PECR: variants seen among roughly 807,000 people sequenced by gnomAD.
The protein encoded by PECR is 2,4-dienoyl-CoA reductase-related protein.
Under a neutral mutation model 35.3 loss-of-function variants are expected in PECR, and 30 were observed. The ratio of observed to expected loss-of-function variants is 0.85; its 90% confidence interval spans 0.64 to 1.15. PECR has a LOEUF of 1.15. Ranked by LOEUF, PECR falls within the 50% of genes most tolerant of loss-of-function variation. PECR has a pLI of 0.00. For synonymous variants in PECR, 148 were observed against 138.9 expected, an observed-to-expected ratio of 1.07 and a Z score of -0.46; for missense variants, 392 against 370.8, an observed-to-expected ratio of 1.06 and a Z score of -0.47.
chr2:216,066,444 G>A lies in PECR; in HGVS notation c.199C>T (p.Pro67Ser). 6.2e-7 allele frequency: 1 copy of A among 1,613,468 alleles called. No homozygotes were observed. The highest frequency in any genetic ancestry group is 1.1e-5 in the South Asian group (1 of 91,068). The change falls in exon 2 of 8, where the codon CCT becomes TCT. Residue 67 changes from proline (P) to serine (S), a missense_variant. Pro to Ser is a moderately conservative substitution (Grantham distance 74, BLOSUM62 -1). Coordinates refer to ENST00000265322, the MANE Select transcript of PECR (RefSeq NM_018441.6). ...ATGACTCGTGCCTGCTTTGTGGGAGGTAGGTTGGCCTGCAGTTCATCTGCC... is the reference window on the plus strand; with the variant it reads ...ATGACTCGTGCCTGCTTTGTGGGAGATAGGTTGGCCTGCAGTTCATCTGCC... The part of the protein sequence containing the change: ...SAADELQANL[P>S]PTKQARVIPI...
chr2:216,081,540 G>A (rs968630932), intron 1 of PECR, 78 bp downstream of exon 1: 4 of 1,583,010 alleles, frequency 2.5e-6, no homozygotes, highest in East Asian at 2.2e-5. Context: ...CAGCCCCGCC[G>A]AGAGCTCCTG....
At chr2:216,079,042 C>G (rs935506017) in intron 1 of PECR, among the ~76,000 whole-genome samples, 9 of 152,048 alleles carry the variant, frequency 5.9e-5, no homozygotes, top group Admixed American at 5.9e-4. Context: ...ATAACTGATT[C>G]TGATTTTCTT....
At chr2:216,052,331 G>A (rs1695131427) in intron 4 of PECR, among the ~76,000 whole-genome samples, 2 of 152,080 alleles carry the variant, frequency 1.3e-5, no homozygotes, top group South Asian at 4.1e-4. Context: ...TTCAATCAAA[G>A]GTATTTGAAA....
At chr2:216,047,525 T>C (rs1695019639) in intron 6 of PECR, among the ~76,000 whole-genome samples, 1 of 152,298 alleles carries the variant, frequency 6.6e-6, no homozygotes, top group African/African-American at 2.4e-5. Context: ...TCCTTACAGA[T>C]TGAAATGCTA....
intron 4 of PECR, among the ~76,000 whole-genome samples, chr2:216,058,164 C>G (rs548393273): frequency 6.6e-6 from 1 of 152,312 alleles, no homozygotes; most frequent in Non-Finnish European, 1.5e-5. Context: ...CCCAGAGTTT[C>G]TCTTGCAGCA....
chr2:216,051,451 G>A lies in PECR; in HGVS notation c.601C>T (p.Pro201Ser). 1 of 1,583,196 alleles carries A rather than the reference G, an allele frequency of 6.3e-7. No individual in the cohort carries two copies. ...CSGIRINCVA[P>S]GVIYSQTAVE... ...TTCAATATAGATCGTTTACCTACAGGGGCAACACAATTGATCCGTATTCCA... is the reference window on the plus strand; with the variant it reads ...TTCAATATAGATCGTTTACCTACAGAGGCAACACAATTGATCCGTATTCCA... The change falls in exon 5 of 8, where the codon CCT becomes TCT. Residue 201 changes from proline (P) to serine (S), a missense_variant and splice_region_variant. Transcript: ENST00000265322.
intron 3 of PECR, among the ~76,000 whole-genome samples, chr2:216,062,168 C>T (rs1488510585): frequency 6.6e-6 from 1 of 151,884 alleles, no homozygotes; most frequent in Non-Finnish European, 1.5e-5. Flanking sequence ...GCCTCAGCCT[C>T]CCAAGTAGCT....
chr2:216,046,287 TACATAC>T (rs1386384000), intron 6 of PECR, among the ~76,000 whole-genome samples: 168 of 105,412 alleles, frequency 1.6e-3, no homozygotes, highest in African/African-American at 6.2e-3. Flanking sequence ...TATATATATA[TACATAC>T]ATATATATAT....
chr2:216,036,985 C>T (rs149190438), downstream of PECR, among the ~76,000 whole-genome samples: 128 of 152,274 alleles, frequency 8.4e-4, no homozygotes, highest in Non-Finnish European at 1.5e-3. Flanking sequence ...TCCTTTATAG[C>T]ACTCGTGTTC....
chr2:216,058,731 T>TA (rs917912088), intron 4 of PECR, among the ~76,000 whole-genome samples, 164 bp downstream of exon 4: 9 of 152,192 alleles, frequency 5.9e-5, no homozygotes, highest in African/African-American at 1.7e-4. Context: ...GTTTTAGAAG[T>TA]ACTTTGAATT....
intron 3 of PECR, among the ~76,000 whole-genome samples, chr2:216,064,656 C>T (rs1262673596): frequency 4.6e-5 from 7 of 152,154 alleles, no homozygotes; most frequent in Non-Finnish European, 5.9e-5. Flanking sequence ...ACTTGTATCA[C>T]GACTTAGACA....
chr2:216,036,208 A>AT, downstream of PECR, among the ~76,000 whole-genome samples: 1 of 152,364 alleles, frequency 6.6e-6, no homozygotes, highest in African/African-American at 2.4e-5. Flanking sequence ...AGCCAGCCTC[A>AT]TAGAGGGCTT....
intron 6 of PECR, among the ~76,000 whole-genome samples, chr2:216,045,282 C>A (rs1694969245): frequency 6.6e-6 from 1 of 152,200 alleles, no homozygotes; most frequent in Non-Finnish European, 1.5e-5. Context: ...GCTGCACTAT[C>A]TAAAACGAGG....
chr2:216,047,198 T>C (rs1443850957), intron 6 of PECR, among the ~76,000 whole-genome samples: 2 of 149,360 alleles, frequency 1.3e-5, no homozygotes, highest in Admixed American at 1.4e-4. Flanking sequence ...GTAGAGGTTG[T>C]GGTGAGCCGA....
chr2:216,039,208 A>T lies in PECR; in HGVS notation c.*67T>A. Reference sequence around the variant, plus strand: ...TTCCATACCAACTATAAGCTTTTAAAAAGTACAGAAGCATATCCTCAAGAT... The same window carrying T: ...TTCCATACCAACTATAAGCTTTTAATAAGTACAGAAGCATATCCTCAAGAT... On this transcript the variant is annotated 3_prime_UTR_variant, in exon 8 of 8. Transcript: ENST00000265322. 8.0e-6 allele frequency: 7 copies of T among 870,834 alleles called. No homozygotes were observed. The highest frequency in any genetic ancestry group is 1.2e-5 in the Non-Finnish European group (6 of 502,680). The allele number at this position is 870,834 out of a possible 1,614,324, so 53.9% of individuals were successfully genotyped here.
intron 3 of PECR, among the ~76,000 whole-genome samples, chr2:216,059,817 T>C (rs1475535671): frequency 6.6e-6 from 1 of 152,224 alleles, no homozygotes; most frequent in Non-Finnish European, 1.5e-5. Flanking sequence ...AATCAAGAAA[T>C]AGCTTTGCAA....
intron 1 of PECR, among the ~76,000 whole-genome samples, chr2:216,075,269 A>AAAAAC (rs1285608383): frequency 6.6e-6 from 1 of 152,320 alleles, no homozygotes; most frequent in East Asian, 1.9e-4. Flanking sequence ...CCTGTCTCTA[A>AAAAAC]AAAACAAAAC....
Position 216,065,178 on chromosome 2 carries a change from A to G in PECR, c.424+134T>C. ...CAAATTACTATACTGAAATGTACCA[A>G]TTTACATTCCTATGTTGTAAGTGAG... On this transcript the variant is annotated intron_variant, in intron 3 of 7. Coordinates refer to ENST00000265322, the MANE Select transcript of PECR (RefSeq NM_018441.6). The G allele has an allele frequency of 5.2e-6, 4 of 765,748 alleles. No homozygotes were observed. In the South Asian group the frequency reaches 5.5e-5, roughly 11 times the overall value. 47.4% of individuals were successfully genotyped at this position (765,748 alleles called of 1,614,324 possible).
chr2:216,081,504 C>T, intron 1 of PECR, 114 bp downstream of exon 1: 1 of 1,357,612 alleles, frequency 7.4e-7, no homozygotes, highest in African/African-American at 1.4e-5. Context: ...CCTGCCCCGT[C>T]TTTGCTCTGC....
Sources: gnomAD v4.1 joint callset for allele counts (sites outside exome capture counted in the v4.1 genomes callset) on GRCh38, gnomAD v4.1.1 for gene constraint, MANE v1.5 for transcripts, NCBI Gene and HGNC (gene_info 2026-07-23, HGNC 2026-07-21) for gene names.